The following ATP8A1 variants were observed in gnomAD, a reference collection of about 807,000 sequenced individuals.
ATP8A1 encodes the protein ATPase phospholipid transporting 8A1, also known as phospholipid-transporting ATPase IA.
In ATP8A1, 90 loss-of-function variants were observed where a neutral mutation model predicts 177.7. That is an observed-to-expected ratio of 0.51 (90% confidence interval 0.43 to 0.60). The LOEUF is 0.60. Among genes scored for constraint, ATP8A1 ranks in the 20% least tolerant of loss-of-function variants. The probability of loss-of-function intolerance (pLI) is 0.00; values close to 1 mark genes in which losing one functional copy is unlikely to be tolerated. For synonymous variants in ATP8A1, 493 were observed against 485.9 expected, an observed-to-expected ratio of 1.01 and a Z score of -0.19; for missense variants, 1,072 against 1,392.8, an observed-to-expected ratio of 0.77 and a Z score of 3.67.
intron 33 of ATP8A1, among the ~76,000 whole-genome samples, chr4:42,433,562 A>G (rs910605409): frequency 3.3e-5 from 5 of 152,220 alleles, no homozygotes; most frequent in Admixed American, 6.5e-5. Flanking sequence ...ATAAACCCCA[A>G]TATGTTTACA....
At chr4:42,438,932 C>A (rs187595016) in intron 33 of ATP8A1, among the ~76,000 whole-genome samples, 3 of 152,256 alleles carry the variant, frequency 2.0e-5, no homozygotes, top group African/African-American at 7.2e-5. Context: ...AGTAGGTACA[C>A]AATAAATGTT....
At chr4:42,467,280 G>A (rs1227531444) in intron 25 of ATP8A1, among the ~76,000 whole-genome samples, 1 of 152,110 alleles carries the variant, frequency 6.6e-6, no homozygotes, top group Non-Finnish European at 1.5e-5. Context: ...TTAAAGAGTA[G>A]GATTGCCCTT....
intron 4 of ATP8A1, among the ~76,000 whole-genome samples, chr4:42,623,480 G>T (rs548229515): frequency 6.6e-6 from 1 of 152,016 alleles, no homozygotes; most frequent in Non-Finnish European, 1.5e-5. Flanking sequence ...TAAACAAAAC[G>T]CGGTACATAT....
chr4:42,654,941 G>C (rs1296956160), intron 1 of ATP8A1, among the ~76,000 whole-genome samples: 1 of 152,222 alleles, frequency 6.6e-6, no homozygotes, highest in Non-Finnish European at 1.5e-5. Flanking sequence ...TGTGGGCAGA[G>C]CAGGCAATGA....
At position 42,467,692 on chromosome 4, in the gene ATP8A1, C is replaced by T. The variant is rs116573071; in HGVS notation, c.2325-2616G>A. ...TGGGTGACAGAGCGGGACTCCATCT[C>T]GGGAAAACAAAAGTGGATGACCCTC... On this transcript the variant is annotated intron_variant, in intron 25 of 36. Coordinates refer to ENST00000381668, the MANE Select transcript of ATP8A1 (RefSeq NM_006095.2). Among the ~76,000 whole-genome samples, 187 of 152,206 alleles carry T rather than the reference C, an allele frequency of 1.2e-3. 1 individual carries two copies. The highest frequency in any genetic ancestry group is 4.3e-3 in the African/African-American group (179 of 41,528).
chr4:42,570,711 A>G (rs1246564519), intron 14 of ATP8A1, among the ~76,000 whole-genome samples: 1 of 152,226 alleles, frequency 6.6e-6, no homozygotes, highest in African/African-American at 2.4e-5. Flanking sequence ...TTGCTGCTCC[A>G]GAAGCTCTGG....
At chr4:42,510,025 G>T (rs747856452) in intron 22 of ATP8A1, among the ~76,000 whole-genome samples, 1 of 152,096 alleles carries the variant, frequency 6.6e-6, no homozygotes, top group Non-Finnish European at 1.5e-5. Context: ...ACCACGTCTT[G>T]CTCATCTTAA....
intron 32 of ATP8A1, 140 bp downstream of exon 32, chr4:42,444,438 G>T: frequency 2.7e-6 from 2 of 748,314 alleles, no homozygotes; most frequent in Non-Finnish European, 4.3e-6. Context: ...CCCTACCCCT[G>T]ACACCCCACA....
chr4:42,646,479 G>A (rs549681563), intron 1 of ATP8A1, among the ~76,000 whole-genome samples: 1 of 152,344 alleles, frequency 6.6e-6, no homozygotes, highest in South Asian at 2.1e-4. Context: ...TTTATACAAC[G>A]TTAGCTTTAC....
intron 33 of ATP8A1, among the ~76,000 whole-genome samples, chr4:42,442,324 A>C (rs1716723494): frequency 6.6e-6 from 1 of 152,232 alleles, no homozygotes; most frequent in Non-Finnish European, 1.5e-5. Flanking sequence ...AAAAACAAAG[A>C]ATAGAATTAA....
At chr4:42,460,918 T>C (rs1325086153) in intron 27 of ATP8A1, among the ~76,000 whole-genome samples, 2 of 152,148 alleles carry the variant, frequency 1.3e-5, no homozygotes, top group Non-Finnish European at 2.9e-5. Context: ...ACTACACATA[T>C]AGCTTCTGAC....
chr4:42,542,217 T>A (rs146736448), intron 20 of ATP8A1, among the ~76,000 whole-genome samples: 1,738 of 152,138 alleles, frequency 0.011, 33 homozygotes, highest in African/African-American at 0.039. Context: ...ATATATTAAA[T>A]TTTTTTTCAG....
At chr4:42,427,354 A>G (rs1714742109) in intron 33 of ATP8A1, among the ~76,000 whole-genome samples, 1 of 152,264 alleles carries the variant, frequency 6.6e-6, no homozygotes, top group African/African-American at 2.4e-5. Context: ...AGAGATAGGC[A>G]AGAGACCTGG....
intron 1 of ATP8A1, among the ~76,000 whole-genome samples, chr4:42,635,030 C>T (rs1739131337): frequency 6.6e-6 from 1 of 152,108 alleles, no homozygotes; most frequent in African/African-American, 2.4e-5. Context: ...AACTAAAAGT[C>T]TTAAAGACTG....
intron 5 of ATP8A1, among the ~76,000 whole-genome samples, chr4:42,614,180 G>C (rs1736672536): frequency 6.6e-6 from 1 of 151,028 alleles, no homozygotes; most frequent in African/African-American, 2.4e-5. Flanking sequence ...TTTTTTTTTT[G>C]GAGGTAAGTA....
chr4:42,508,445 T>G (rs1180283780), intron 22 of ATP8A1, among the ~76,000 whole-genome samples: 2 of 152,202 alleles, frequency 1.3e-5, no homozygotes, highest in Non-Finnish European at 2.9e-5. Flanking sequence ...TAATCTCTCA[T>G]GAGAAAGAAT....
intron 5 of ATP8A1, among the ~76,000 whole-genome samples, chr4:42,612,050 T>C (rs772073111): frequency 2.2e-4 from 34 of 152,174 alleles, no homozygotes; most frequent in Non-Finnish European, 8.8e-5. Context: ...AACTATTGTA[T>C]TGACAGAAGG....
intron 32 of ATP8A1, 110 bp downstream of exon 32, chr4:42,444,468 G>C (rs931790729): frequency 9.1e-5 from 94 of 1,030,926 alleles, no homozygotes; most frequent in Non-Finnish European, 9.3e-5. Flanking sequence ...CTGTGGACTA[G>C]GACATATTAA....
chr4:42,452,802 G>C (rs4546284), intron 29 of ATP8A1, among the ~76,000 whole-genome samples: 1 of 152,002 alleles, frequency 6.6e-6, no homozygotes. Context: ...TGGCCCCTCT[G>C]AACAGTTGTA....
Sources: gnomAD v4.1 joint callset for allele counts (sites outside exome capture counted in the v4.1 genomes callset) on GRCh38, gnomAD v4.1.1 for gene constraint, MANE v1.5 for transcripts, NCBI Gene and HGNC (gene_info 2026-07-23, HGNC 2026-07-21) for gene names.